The following GALNT14 variants were observed in gnomAD, a reference collection of about 807,000 sequenced individuals.
GALNT14 encodes the protein UDP-GalNAc:polypeptide N-acetylgalactosaminyltransferase 14.
A neutral mutation model predicts 77.5 loss-of-function variants in GALNT14; 60 were observed. The observed-to-expected ratio is 0.77, with a 90% CI of 0.63 to 0.96. GALNT14 has a LOEUF of 0.96. GALNT14 is among the 40% of genes least tolerant of loss of function. The probability of loss-of-function intolerance (pLI) is 0.00; values close to 1 mark genes in which losing one functional copy is unlikely to be tolerated. For synonymous variants in GALNT14, 280 were observed against 281.7 expected, an observed-to-expected ratio of 0.99 and a Z score of 0.06; for missense variants, 710 against 731.0, an observed-to-expected ratio of 0.97 and a Z score of 0.33.
intron 1 of GALNT14, among the ~76,000 whole-genome samples, chr2:31,053,424 T>C (rs1674015063): frequency 6.6e-6 from 1 of 152,064 alleles, no homozygotes; most frequent in South Asian, 2.1e-4. Context: ...GGGACTCTTC[T>C]CAAACCCCAG....
At chr2:31,098,786 T>C (rs1335902540) in intron 1 of GALNT14, among the ~76,000 whole-genome samples, 2 of 152,246 alleles carry the variant, frequency 1.3e-5, no homozygotes, top group Admixed American at 6.5e-5. Flanking sequence ...ATCATGTGTA[T>C]GTGTTATATG....
chr2:30,915,412 C>T (rs991068766), intron 13 of GALNT14, among the ~76,000 whole-genome samples: 6 of 152,188 alleles, frequency 3.9e-5, no homozygotes, highest in Admixed American at 1.3e-4. Flanking sequence ...GCTGGTATTT[C>T]CTGGCATTTC....
rs147156547 is a variant in GALNT14 at position 31,135,518 on chromosome 2, CAA to C, written c.129+2438_129+2439del. 9.9e-3 allele frequency among the ~76,000 whole-genome samples: 1,431 copies of C among 144,800 alleles called. 12 individuals are homozygous for C. Among genetic ancestry groups the C allele is most frequent in the East Asian group, 0.014 (70 of 5,008 alleles). 95.0% of individuals were successfully genotyped at this position (144,800 alleles called of 152,430 possible). On this transcript the variant is annotated intron_variant, in intron 1 of 14. Coordinates refer to ENST00000349752, the MANE Select transcript of GALNT14 (RefSeq NM_024572.4). ...AAAACAGGAAGAAGAAAAATACTAA[CAA>C]AAAAAAAAGAAGACACCTAATAGTA...
chr2:31,036,843 G>T (rs932960643), intron 1 of GALNT14, among the ~76,000 whole-genome samples: 1 of 152,172 alleles, frequency 6.6e-6, no homozygotes, highest in Non-Finnish European at 1.5e-5. Flanking sequence ...TGGCCTCCAA[G>T]GTTTCCAATG....
intron 1 of GALNT14, among the ~76,000 whole-genome samples, chr2:31,099,827 C>A (rs1202290737): frequency 1.3e-5 from 2 of 151,906 alleles, no homozygotes; most frequent in Admixed American, 1.3e-4. Flanking sequence ...TAGCGCCAGT[C>A]ACCTCATATG....
chr2:31,034,578 T>C (rs1558511195), intron 1 of GALNT14, among the ~76,000 whole-genome samples: 1 of 152,156 alleles, frequency 6.6e-6, no homozygotes, highest in Non-Finnish European at 1.5e-5. Flanking sequence ...GATTATCTGT[T>C]TGATTTCTGT....
chr2:30,932,782 C>T (rs187621452), intron 9 of GALNT14, among the ~76,000 whole-genome samples: 2 of 152,338 alleles, frequency 1.3e-5, no homozygotes, highest in East Asian at 1.9e-4. Flanking sequence ...GTTCCTTCCA[C>T]AGTGAATGCA....
At chr2:31,128,742 C>T (rs1678825189) in intron 1 of GALNT14, among the ~76,000 whole-genome samples, 1 of 152,046 alleles carries the variant, frequency 6.6e-6, no homozygotes, top group African/African-American at 2.4e-5. Context: ...AGCCTCTCTC[C>T]ACTTCTTGCA....
chr2:31,005,422 C>T (rs1175830357), intron 1 of GALNT14, among the ~76,000 whole-genome samples: 1 of 152,180 alleles, frequency 6.6e-6, no homozygotes, highest in Non-Finnish European at 1.5e-5. Context: ...TCCTCCTCCT[C>T]CCAAGGACAA....
At chr2:30,950,502 A>C (rs1425152440) in intron 6 of GALNT14, among the ~76,000 whole-genome samples, 2 of 152,142 alleles carry the variant, frequency 1.3e-5, no homozygotes, top group East Asian at 3.9e-4. Context: ...ATCATGTCCT[A>C]CTCTGAGACA....
chr2:31,053,345 C>T (rs956550073), intron 1 of GALNT14, among the ~76,000 whole-genome samples: 5 of 152,104 alleles, frequency 3.3e-5, no homozygotes, highest in Non-Finnish European at 5.9e-5. Context: ...AACGCCTGAA[C>T]CCTGCACTTA....
At chr2:31,013,764 A>T (rs1671179991) in intron 1 of GALNT14, among the ~76,000 whole-genome samples, 1 of 152,214 alleles carries the variant, frequency 6.6e-6, no homozygotes. Flanking sequence ...TTGTTCCCAC[A>T]TGCAGTCAAT....
rs55857027 is a variant in GALNT14 at position 30,950,741 on chromosome 2, G to C, written c.655-4871C>G. 4.7e-3 allele frequency among the ~76,000 whole-genome samples: 719 copies of C among 152,358 alleles called. 6 individuals carry two copies. Among genetic ancestry groups the C allele is most frequent in the African/African-American group, 0.016 (680 of 41,576 alleles). On this transcript the variant is annotated intron_variant, in intron 6 of 14. Coordinates refer to ENST00000349752, the MANE Select transcript of GALNT14 (RefSeq NM_024572.4). Reference sequence around the variant, plus strand: ...TTGCTACAAAAGCTTTAGCTCAGGTGGGGCAAGGACCCAGGAGCTTAGCTT... The same window carrying C: ...TTGCTACAAAAGCTTTAGCTCAGGTCGGGCAAGGACCCAGGAGCTTAGCTT...
Position 30,958,402 on chromosome 2 carries a change from T to C in GALNT14, c.461A>G (p.Asn154Ser), listed in dbSNP as rs1667490320. The change falls in exon 4 of 15, where the codon AAT (asparagine) becomes AGT (serine). Residue 154 changes from asparagine (N) to serine (S), a missense_variant. Transcript: ENST00000349752. ...REIILVDDFS[N>S]DPDDCKQLIK... ...AAGTGAGCAACATGACTTACGGTCATTGCTGAAGTCATCCACTAATATGAT... is the reference window on the plus strand; with the variant it reads ...AAGTGAGCAACATGACTTACGGTCACTGCTGAAGTCATCCACTAATATGAT... 1 of 1,613,488 alleles carries C rather than the reference T, an allele frequency of 6.2e-7. No homozygotes were observed. The highest frequency in any genetic ancestry group is 1.3e-5 in the African/African-American group (1 of 74,914).
At chr2:31,080,475 T>G (rs1308969366) in intron 1 of GALNT14, among the ~76,000 whole-genome samples, 1 of 152,240 alleles carries the variant, frequency 6.6e-6, no homozygotes, top group Non-Finnish European at 1.5e-5. Context: ...AGACTCTAAG[T>G]GCAGCCCTGT....
chr2:30,965,133 G>T (rs1038752704), intron 3 of GALNT14, among the ~76,000 whole-genome samples: 3 of 152,016 alleles, frequency 2.0e-5, no homozygotes, highest in African/African-American at 7.2e-5. Flanking sequence ...GAAGGATGCT[G>T]AACACCACCA....
intron 3 of GALNT14, among the ~76,000 whole-genome samples, chr2:30,961,877 G>A (rs1667713312): frequency 6.6e-6 from 1 of 151,954 alleles, no homozygotes. Context: ...TTTTTTAGTA[G>A]AGACGGGGTT....
intron 1 of GALNT14, among the ~76,000 whole-genome samples, chr2:31,087,604 A>C (rs1282132575): frequency 6.6e-6 from 1 of 151,896 alleles, no homozygotes. Context: ...AGGCTGGGAG[A>C]AGCCAGAGAA....
At chr2:31,078,884 G>C in intron 1 of GALNT14, 9 of 1,286,354 alleles carry the variant, frequency 7.0e-6, no homozygotes, top group Non-Finnish European at 9.1e-6. Context: ...GGGCAAAGCA[G>C]GGTTTGGGGA....
Sources: gnomAD v4.1 joint callset for allele counts (sites outside exome capture counted in the v4.1 genomes callset) on GRCh38, gnomAD v4.1.1 for gene constraint, MANE v1.5 for transcripts, NCBI Gene and HGNC (gene_info 2026-07-23, HGNC 2026-07-21) for gene names.